ZFHX3: variants seen among roughly 807,000 people sequenced by gnomAD.
The protein encoded by ZFHX3 is zinc finger homeobox protein 3.
Under a neutral mutation model 279.1 loss-of-function variants are expected in ZFHX3, and 42 were observed. The observed-to-expected ratio is 0.15, with a 90% CI of 0.12 to 0.19. The LOEUF (loss-of-function observed/expected upper bound fraction) is 0.19. ZFHX3 is among the 10% of genes least tolerant of loss of function. ZFHX3 has a pLI of 1.00. For missense variants in ZFHX3, 4,981 were observed against 4,754.0 expected (o/e 1.05, Z -1.40); for synonymous variants, 2,293 against 1,957.8 (o/e 1.17, Z -4.52).
chr16:73,738,986 TGTG>T (rs143598925), intron 1 of ZFHX3, among the ~76,000 whole-genome samples: 7,862 of 152,214 alleles, frequency 0.052, 681 homozygotes, highest in African/African-American at 0.18. Flanking sequence ...CAGACCAGAC[TGTG>T]GTGGTTCTAA....
intron 1 of ZFHX3, among the ~76,000 whole-genome samples, chr16:73,876,099 G>A (rs145298134): frequency 3.0e-4 from 46 of 152,240 alleles, no homozygotes; most frequent in African/African-American, 9.6e-4. Flanking sequence ...AAGCCACAGC[G>A]TATGAAACAT....
At chr16:73,821,583 C>T (rs919648297) in intron 1 of ZFHX3, among the ~76,000 whole-genome samples, 7 of 152,348 alleles carry the variant, frequency 4.6e-5, no homozygotes, top group Admixed American at 2.0e-4. Context: ...AAGTGCACAG[C>T]GTGGTGCTGG....
At chr16:73,754,898 T>A (rs896357520) in intron 1 of ZFHX3, among the ~76,000 whole-genome samples, 3 of 152,156 alleles carry the variant, frequency 2.0e-5, no homozygotes, top group African/African-American at 7.2e-5. Context: ...CCCAGTTTCC[T>A]TTTCCCCCCA....
rs750902891 is a variant in ZFHX3, at chr16:72,889,898, T to C, written c.3281A>G (p.Asn1094Ser). The change falls in exon 4 of 10, where the codon AAC becomes AGC. Residue 1094 changes from asparagine (N) to serine (S), a missense_variant. By Grantham distance (46) the Asn-to-Ser change is conservative (BLOSUM62 1). Coordinates refer to ENST00000268489, the MANE Select transcript of ZFHX3 (RefSeq NM_006885.4). ...GTTGAGCTTGGCCTTGGTGGAGTAG[T>C]TGCACAGAACGCAGTGGTAGTAGCA... ...ESCYYHCVLC[N>S]YSTKAKLNLI... The C allele has an allele frequency of 7.6e-5, 123 of 1,614,058 alleles. No homozygotes were observed. The highest frequency in any genetic ancestry group is 1.0e-4 in the Non-Finnish European group (120 of 1,180,040).
intron 2 of ZFHX3, among the ~76,000 whole-genome samples, chr16:73,582,718 C>A (rs1401405217): frequency 3.3e-5 from 5 of 151,936 alleles, no homozygotes; most frequent in Non-Finnish European, 7.3e-5. Flanking sequence ...CTCAGGTGAT[C>A]CACTCACCTT....
At chr16:72,868,811 G>C (rs1032186578) in intron 4 of ZFHX3, among the ~76,000 whole-genome samples, 1 of 151,762 alleles carries the variant, frequency 6.6e-6, no homozygotes, top group African/African-American at 2.4e-5. Flanking sequence ...GTAGCCCTCT[G>C]TTCACCTCAG....
intron 5 of ZFHX3, among the ~76,000 whole-genome samples, chr16:73,234,237 C>A (rs2012872963): frequency 6.6e-6 from 1 of 152,134 alleles, no homozygotes; most frequent in African/African-American, 2.4e-5. Context: ...GACTCTGTGG[C>A]TGTGGAGGGC....
intron 2 of ZFHX3, among the ~76,000 whole-genome samples, chr16:73,512,526 AT>A (rs11358941): frequency 0.69 from 101,754 of 146,548 alleles, 36,079 homozygotes; most frequent in East Asian, 0.99. Context: ...TAATTAAAAC[AT>A]TTTTTTTTTA....
chr16:73,544,987 A>T (rs1039565639), intron 2 of ZFHX3, among the ~76,000 whole-genome samples: 45 of 152,292 alleles, frequency 3.0e-4, no homozygotes, highest in African/African-American at 9.4e-4. Context: ...GTGGAGTGTT[A>T]TCTGGAAAGG....
At chr16:73,638,215 T>C (rs1245862962) in intron 2 of ZFHX3, among the ~76,000 whole-genome samples, 1 of 152,222 alleles carries the variant, frequency 6.6e-6, no homozygotes, top group Non-Finnish European at 1.5e-5. Flanking sequence ...GGATGCTCAA[T>C]GATAGTTTAA....
In ZFHX3 at chr16:73,182,179, G is replaced by A. The variant is rs549957811; in HGVS notation, c.-1103-38348C>T. Reference sequence around the variant, plus strand: ...ATCCTCTAAAACAGTAGGGAGGGCCGGGTGAGGTGGCTCACGCCTGTAATC... The same window carrying A: ...ATCCTCTAAAACAGTAGGGAGGGCCAGGTGAGGTGGCTCACGCCTGTAATC... On this transcript the variant is annotated intron_variant, in intron 5 of 17. Transcript: ENST00000641206. Among the ~76,000 whole-genome samples, 37 of 152,344 alleles carry A rather than the reference G, an allele frequency of 2.4e-4. No individual in the cohort carries two copies. The East Asian group carries it at 2.7e-3, about 11-fold the overall frequency.
At chr16:73,675,902 A>G (rs1227246809) in intron 2 of ZFHX3, among the ~76,000 whole-genome samples, 1 of 152,090 alleles carries the variant, frequency 6.6e-6, no homozygotes, top group Non-Finnish European at 1.5e-5. Flanking sequence ...AATTAATACA[A>G]CAAAATTACA....
chr16:73,313,428 T>TA (rs1451114380), intron 4 of ZFHX3, among the ~76,000 whole-genome samples: 1 of 152,234 alleles, frequency 6.6e-6, no homozygotes, highest in African/African-American at 2.4e-5. Flanking sequence ...TAGTATGTAC[T>TA]ACGTGTCAAA....
chr16:73,242,975 G>C (rs1474190679), intron 5 of ZFHX3, among the ~76,000 whole-genome samples: 1 of 152,206 alleles, frequency 6.6e-6, no homozygotes, highest in Non-Finnish European at 1.5e-5. Flanking sequence ...GCAATAGCAA[G>C]ACAAATCACA....
At chr16:73,236,086 A>G (rs868346517) in intron 5 of ZFHX3, among the ~76,000 whole-genome samples, 31 of 152,244 alleles carry the variant, frequency 2.0e-4, no homozygotes, top group Non-Finnish European at 1.5e-4. Flanking sequence ...AGTTCCTAGA[A>G]CAGGTGTTTT....
chr16:73,694,335 T>C (rs1310714995), intron 1 of ZFHX3, among the ~76,000 whole-genome samples: 3 of 151,948 alleles, frequency 2.0e-5, no homozygotes, highest in African/African-American at 7.3e-5. Context: ...TTTTATTTTA[T>C]TTTATTTTAT....
chr16:73,059,275 A>ACC (rs899243666), exon 1 of ZFHX3: 4 of 148,862 alleles, frequency 2.7e-5, no homozygotes, highest in Non-Finnish European at 4.4e-5. Flanking sequence ...GGAAGAGAGG[A>ACC]TGGGAGAAGA....
At chr16:72,918,843 C>T (rs550839804) in intron 3 of ZFHX3, among the ~76,000 whole-genome samples, 1 of 152,004 alleles carries the variant, frequency 6.6e-6, no homozygotes, top group South Asian at 2.1e-4. Flanking sequence ...TTACAGGCAC[C>T]CGCCACCATG....
At chr16:73,257,887 G>T (rs1051539302) in intron 4 of ZFHX3, among the ~76,000 whole-genome samples, 2 of 152,210 alleles carry the variant, frequency 1.3e-5, no homozygotes, top group African/African-American at 4.8e-5. Flanking sequence ...CTATAGGAAG[G>T]TTTCTCAACT....
Sources: allele counts gnomAD v4.1 joint callset (sites outside exome capture counted in the v4.1 genomes callset), GRCh38; gene constraint gnomAD v4.1.1; transcripts MANE v1.5; gene names NCBI Gene and HGNC (gene_info 2026-07-23, HGNC 2026-07-21).